Variants in CYREN observed in about 807,000 individuals in gnomAD.
The protein encoded by CYREN is cell cycle regulator of NHEJ.
CYREN carries 7 observed loss-of-function variants against 9.7 expected under a neutral mutation model. That is an observed-to-expected ratio of 0.72 (90% CI 0.41 to 1.36). The LOEUF (loss-of-function observed/expected upper bound fraction) is 1.36, where lower values mean the gene tolerates loss of function less well. Ranked by LOEUF, CYREN falls within the 40% of genes most tolerant of loss-of-function variation. The probability of loss-of-function intolerance (pLI) is 0.01; values close to 1 mark genes in which losing one functional copy is unlikely to be tolerated. For missense variants in CYREN, 215 were observed against 198.1 expected, an observed-to-expected ratio of 1.09 and a Z score of -0.51; for synonymous variants, 76 against 77.9, an observed-to-expected ratio of 0.98 and a Z score of 0.13.
chr7:135,164,749 T>G (rs575323338), downstream of CYREN: 2 of 1,614,196 alleles, frequency 1.2e-6, no homozygotes, highest in South Asian at 2.2e-5. Flanking sequence ...CCTCTCCTCC[T>G]AGCCCAGTGC....
intron 2 of CYREN, among the ~76,000 whole-genome samples, chr7:135,160,440 T>C (rs1829900305): frequency 6.6e-6 from 1 of 152,070 alleles, no homozygotes; most frequent in Non-Finnish European, 1.5e-5. Flanking sequence ...GGAAGGCCCA[T>C]GGGGAAGTAG....
intron 2 of CYREN, among the ~76,000 whole-genome samples, chr7:135,114,427 G>A (rs189384273): frequency 1.3e-5 from 2 of 152,228 alleles, no homozygotes; most frequent in Admixed American, 1.3e-4. Flanking sequence ...TTTTTAAAAT[G>A]TTATTATATT....
intron 2 of CYREN, among the ~76,000 whole-genome samples, chr7:135,116,235 A>G (rs1826293422): frequency 6.6e-6 from 1 of 152,202 alleles, no homozygotes; most frequent in Non-Finnish European, 1.5e-5. Context: ...GAGGTTAAAT[A>G]ATTTGTCCAA....
chr7:135,139,945 A>G (rs918917060), intron 2 of CYREN, among the ~76,000 whole-genome samples: 1 of 151,956 alleles, frequency 6.6e-6, no homozygotes, highest in African/African-American at 2.4e-5. Context: ...TACCAGTACC[A>G]TGTTGTTTTG....
chr7:135,101,810 A>G (rs1205341246), intron 2 of CYREN, among the ~76,000 whole-genome samples: 2 of 152,066 alleles, frequency 1.3e-5, no homozygotes, highest in Admixed American at 6.6e-5. Flanking sequence ...CCCCACCCAA[A>G]TCTCATCTTC....
At chr7:135,156,123 T>C (rs1020296075) in intron 2 of CYREN, among the ~76,000 whole-genome samples, 38 of 152,292 alleles carry the variant, frequency 2.5e-4, no homozygotes, top group Admixed American at 2.2e-3. Context: ...ATTGGTCTGA[T>C]GAGATTTGGG....
At chr7:135,116,860 AGTACAGGCTATTGTT>A (rs1430063593) in intron 2 of CYREN, among the ~76,000 whole-genome samples, 3 of 152,140 alleles carry the variant, frequency 2.0e-5, no homozygotes, top group African/African-American at 7.2e-5. Flanking sequence ...TTTTCTACAC[AGTACAGGCTATTGTT>A]GAGAGCTTTT....
chr7:135,160,959 C>T (rs147028679), downstream of CYREN, among the ~76,000 whole-genome samples: 50 of 152,202 alleles, frequency 3.3e-4, no homozygotes, highest in Middle Eastern at 3.4e-3. Context: ...TGAGGATGGG[C>T]AGATGGGAAT....
intron 2 of CYREN, among the ~76,000 whole-genome samples, chr7:135,137,848 T>G (rs1430325837): frequency 4.6e-5 from 7 of 152,084 alleles, no homozygotes; most frequent in Non-Finnish European, 8.8e-5. Context: ...GGCAGTCATC[T>G]TGGTTTGCAG....
downstream of CYREN, chr7:135,164,405 G>C (rs757426067): frequency 1.3e-6 from 2 of 1,570,152 alleles, no homozygotes; most frequent in African/African-American, 1.3e-5. Context: ...TGACTGCTGT[G>C]ACTTCCCCGC....
Position 135,166,430 on chromosome 7 carries a change from G to T in CYREN, c.*181C>A. ...TGCCTTCCGCACACTCAGAACGGCA[G>T]CCCCAAGGCCCGGAGTGTCCAGGGG... On this transcript the variant is annotated 3_prime_UTR_variant, in exon 4 of 4. Coordinates refer to ENST00000393114, the MANE Select transcript of CYREN (RefSeq NM_024033.4). 3 of 905,448 alleles carry T rather than the reference G, an allele frequency of 3.3e-6. No individual in the cohort carries two copies. Among genetic ancestry groups the T allele is most frequent in the Non-Finnish European group, 4.8e-6 (3 of 628,702 alleles). The allele number at this position is 905,448 out of a possible 1,614,324, so 56.1% of individuals were successfully genotyped here.
In CYREN at chr7:135,168,908, T is replaced by C. The variant is rs750546665; in HGVS notation, c.15A>G (p.Gln5=). 12 of 1,609,698 alleles carry C rather than the reference T, an allele frequency of 7.5e-6. No individual in the cohort carries two copies. Among genetic ancestry groups the C allele is most frequent in the Non-Finnish European group, 1.0e-5 (12 of 1,177,828 alleles). Residue 5 remains glutamine (Q), a synonymous_variant, in exon 2 of 4, where the codon CAA becomes CAG. Transcript: ENST00000393114. METL[Q]SETKTRVLPS... ...GAAGGACCCTCGTTTTAGTCTCGGA[T>C]TGTAAGGTTTCCATCTCTGTACCTT...
At chr7:135,165,198 GTC>G (rs1445172075), downstream of CYREN, 6 of 565,454 alleles carry the variant, frequency 1.1e-5, no homozygotes, top group Non-Finnish European at 1.9e-5. Flanking sequence ...GTACAAGATT[GTC>G]TGTCCTTCAG....
rs988173813 is a variant in CYREN, at chr7:135,166,021, T to C, written c.*590A>G. ...AGGTAGCAGCTTGCGGGAGGAGGCC[T>C]GTCTGGCTTACCAGTCTATACACTG... On this transcript the variant is annotated 3_prime_UTR_variant, in exon 4 of 4. Transcript: ENST00000393114. 1 of 153,088 alleles carries C rather than the reference T, an allele frequency of 6.5e-6. No homozygotes were observed. The highest frequency in any genetic ancestry group is 2.4e-5 in the African/African-American group (1 of 41,380). 9.5% of individuals were successfully genotyped at this position (153,088 alleles called of 1,614,324 possible). A position where few individuals can be genotyped will look rare whatever the true frequency, so the allele number is the denominator to read the frequency against.
chr7:135,134,795 T>G, intron 2 of CYREN: 1 of 1,482,674 alleles, frequency 6.7e-7, no homozygotes, highest in Non-Finnish European at 9.1e-7. Flanking sequence ...GACTACAAAG[T>G]AGGTCCATGA....
At chr7:135,115,043 C>T (rs1033166850) in intron 2 of CYREN, among the ~76,000 whole-genome samples, 3 of 152,122 alleles carry the variant, frequency 2.0e-5, no homozygotes, top group Admixed American at 2.0e-4. Context: ...GCCTTTGTCT[C>T]GAATTATCTT....
chr7:135,171,324 TTTAAA>T (rs1158108468), upstream of CYREN, among the ~76,000 whole-genome samples: 1 of 13,674 alleles, frequency 7.3e-5, no homozygotes, highest in Non-Finnish European at 2.9e-3. Context: ...TTTTTTTTTT[TTTAAA>T]AAAAAAAGGA....
chr7:135,138,161 T>G (rs1829389960), intron 2 of CYREN, among the ~76,000 whole-genome samples: 1 of 151,984 alleles, frequency 6.6e-6, no homozygotes, highest in Admixed American at 6.6e-5. Context: ...TCTCTAGAGC[T>G]GCTCTTTTTT....
chr7:135,171,083 G>C (rs1055374510), upstream of CYREN, among the ~76,000 whole-genome samples: 21 of 152,302 alleles, frequency 1.4e-4, no homozygotes, highest in Admixed American at 1.1e-3. Flanking sequence ...TCGTGTGCTT[G>C]AGGAGGATGG....
Sources: allele counts gnomAD v4.1 joint callset (sites outside exome capture counted in the v4.1 genomes callset), GRCh38; gene constraint gnomAD v4.1.1; transcripts MANE v1.5; gene names NCBI Gene and HGNC (gene_info 2026-07-23, HGNC 2026-07-21).